Variants in ANO4 observed in about 807,000 individuals in gnomAD.
ANO4 encodes anoctamin-4.
Under a neutral mutation model 141.9 loss-of-function variants are expected in ANO4, and 69 were observed. The observed-to-expected ratio is 0.49, with a 90% CI of 0.40 to 0.59. ANO4 has a LOEUF of 0.59. Among genes scored for constraint, ANO4 ranks in the 20% least tolerant of loss-of-function variants. The probability of loss-of-function intolerance (pLI) is 0.00; values close to 1 mark genes in which losing one functional copy is unlikely to be tolerated. For missense variants in ANO4, 894 were observed against 1,162.2 expected (o/e 0.77, Z 3.36); for synonymous variants, 350 against 394.3 (o/e 0.89, Z 1.33).
chr12:100,946,617 G>T (rs565912631), intron 5 of ANO4, among the ~76,000 whole-genome samples: 1 of 152,282 alleles, frequency 6.6e-6, no homozygotes, highest in Admixed American at 6.5e-5. Context: ...AAAAGAGTAG[G>T]TCAAATTGTA....
rs1217158097 is a variant in ANO4 at position 100,797,297 on chromosome 12, G to C, written c.-141+2270G>C. On this transcript the variant is annotated intron_variant, in intron 1 of 27. Transcript: ENST00000392977. ...ACTGGCTTTTTTTTTTTTTTGGTAA[G>C]GATTTCCCCACTTCCTAGACCCCAC... 2.1e-5 allele frequency among the ~76,000 whole-genome samples: 3 copies of C among 142,794 alleles called. No individual in the cohort carries two copies. The East Asian group carries it at 6.2e-4, about 29-fold the overall frequency. The allele number at this position is 142,794 out of a possible 152,430, so 93.7% of individuals were successfully genotyped here. A position where few individuals can be genotyped will look rare whatever the true frequency, so the allele number is the denominator to read the frequency against.
In ANO4 at chr12:100,823,806, A is replaced by C. The variant is rs547147508; in HGVS notation, c.-141+28779A>C. Among the ~76,000 whole-genome samples the C allele has an allele frequency of 2.2e-4, 33 of 152,144 alleles. No individual in the cohort carries two copies. The South Asian group carries it at 4.6e-3, about 21-fold the overall frequency. On this transcript the variant is annotated intron_variant, in intron 1 of 27. Transcript: ENST00000392977. ...TGGTGACTCTGTAGGTAGCCACTGC[A>C]ATAAAATCTATTTGGAGAAGGAGCT...
chr12:100,836,126 C>G (rs1212867970), intron 1 of ANO4, among the ~76,000 whole-genome samples: 1 of 152,090 alleles, frequency 6.6e-6, no homozygotes, highest in Non-Finnish European at 1.5e-5. Flanking sequence ...AGTCAGTAGT[C>G]TTTGCATATA....
intron 3 of ANO4, among the ~76,000 whole-genome samples, chr12:100,744,018 C>G (rs769943900): frequency 6.6e-6 from 1 of 152,178 alleles, no homozygotes; most frequent in Non-Finnish European, 1.5e-5. Context: ...ATATCCCCAG[C>G]TGATCCTCAA....
intron 1 of ANO4, among the ~76,000 whole-genome samples, chr12:100,809,463 C>A (rs988939575): frequency 6.6e-6 from 1 of 151,820 alleles, no homozygotes; most frequent in Non-Finnish European, 1.5e-5. Flanking sequence ...GGGAGAGCCT[C>A]AAGCTGTCCT....
At chr12:100,730,971 C>T (rs1288336871) in intron 1 of ANO4, among the ~76,000 whole-genome samples, 3 of 152,160 alleles carry the variant, frequency 2.0e-5, no homozygotes, top group Non-Finnish European at 2.9e-5. Context: ...ACCAAGGGCA[C>T]CTATAGAAAA....
At chr12:100,909,312 TTTGG>T (rs1457584163) in intron 2 of ANO4, among the ~76,000 whole-genome samples, 1 of 152,194 alleles carries the variant, frequency 6.6e-6, no homozygotes, top group Admixed American at 6.5e-5. Context: ...GCACCTTTCC[TTTGG>T]TTGGACAGAC....
rs751388682 is a variant in ANO4, at chr12:101,096,533, C to T, written c.1739-3C>T. Reference sequence around the variant, plus strand: ...TCAAACTCTGCTCACCTTTTGTCCACAGAACAGCCTCGCACAGAGTCTGAG... The same window carrying T: ...TCAAACTCTGCTCACCTTTTGTCCATAGAACAGCCTCGCACAGAGTCTGAG... On this transcript the variant is annotated splice_polypyrimidine_tract_variant and splice_region_variant and intron_variant, in intron 18 of 27. Transcript: ENST00000392977. The T allele has an allele frequency of 6.2e-7, 1 of 1,611,722 alleles. No individual in the cohort carries two copies. Among genetic ancestry groups the T allele is most frequent in the South Asian group, 1.1e-5 (1 of 91,030 alleles).
chr12:100,779,052 GA>G (rs199723211), intron 3 of ANO4, among the ~76,000 whole-genome samples: 23 of 133,448 alleles, frequency 1.7e-4, no homozygotes, highest in East Asian at 6.3e-4. Context: ...ATGACCAAAA[GA>G]AAAAAAAAAC....
intron 3 of ANO4, among the ~76,000 whole-genome samples, chr12:100,746,687 A>G (rs1215549923): frequency 2.6e-5 from 4 of 152,128 alleles, no homozygotes; most frequent in Non-Finnish European, 5.9e-5. Flanking sequence ...TACATGCACA[A>G]GACGTGGTCC....
intron 2 of ANO4, among the ~76,000 whole-genome samples, chr12:100,908,964 CTTGGAGTATT>C (rs1365436447): frequency 4.6e-5 from 7 of 152,114 alleles, no homozygotes. Flanking sequence ...ATTTGCCCTC[CTTGGAGTATT>C]TTGAAATGGT....
chr12:101,010,695 T>TA (rs960821930), intron 8 of ANO4, among the ~76,000 whole-genome samples: 14 of 152,174 alleles, frequency 9.2e-5, no homozygotes, highest in African/African-American at 3.1e-4. Context: ...TTCTCCTTGT[T>TA]AAAAAAGAAA....
At chr12:101,005,988 A>G (rs2045855898) in intron 8 of ANO4, among the ~76,000 whole-genome samples, 1 of 151,992 alleles carries the variant, frequency 6.6e-6, no homozygotes, top group Admixed American at 6.6e-5. Context: ...TTGGTTGTGT[A>G]TACCTAGCCA....
intron 1 of ANO4, among the ~76,000 whole-genome samples, chr12:100,820,994 C>T (rs955641860): frequency 2.0e-5 from 3 of 151,998 alleles, no homozygotes; most frequent in African/African-American, 7.2e-5. Flanking sequence ...ACTGATTTCC[C>T]TTGCACTCTC....
chr12:101,021,840 G>T (rs1205506772), intron 9 of ANO4, among the ~76,000 whole-genome samples: 1 of 151,908 alleles, frequency 6.6e-6, no homozygotes, highest in East Asian at 1.9e-4. Flanking sequence ...GAATAGAAAA[G>T]GAAGTACATA....
intron 1 of ANO4, among the ~76,000 whole-genome samples, chr12:100,864,344 A>G (rs1038829592): frequency 6.6e-6 from 1 of 152,180 alleles, no homozygotes; most frequent in Non-Finnish European, 1.5e-5. Flanking sequence ...CAGGCCCCCA[A>G]GAAAAATTAA....
intron 1 of ANO4, among the ~76,000 whole-genome samples, chr12:100,813,125 T>C: frequency 6.6e-6 from 1 of 152,246 alleles, no homozygotes; most frequent in East Asian, 1.9e-4. Flanking sequence ...CCTAGCAGTG[T>C]CAAATGAAAG....
intron 3 of ANO4, among the ~76,000 whole-genome samples, chr12:100,933,108 C>CT (rs5800441): frequency 0.32 from 47,766 of 148,378 alleles, 8,554 homozygotes; most frequent in Admixed American, 0.45. Context: ...TCTTGTCATT[C>CT]TTTTTTTTTT....
intron 14 of ANO4, among the ~76,000 whole-genome samples, chr12:101,058,131 A>T (rs1593150726): frequency 6.6e-6 from 1 of 152,162 alleles, no homozygotes; most frequent in Admixed American, 6.5e-5. Context: ...TCCTTTCCCC[A>T]TTGCTGTTTT....
Sources: allele counts gnomAD v4.1 joint callset (sites outside exome capture counted in the v4.1 genomes callset), GRCh38; gene constraint gnomAD v4.1.1; transcripts MANE v1.5; gene names NCBI Gene and HGNC (gene_info 2026-07-23, HGNC 2026-07-21).